FBXW8: variants seen among roughly 807,000 people sequenced by gnomAD.
FBXW8 encodes F-box and WD repeat domain containing 8, also known as F-box/WD repeat-containing protein 8.
FBXW8 carries 57 observed loss-of-function variants against 65.3 expected under a neutral mutation model. That is an observed-to-expected ratio of 0.87 (90% CI 0.71 to 1.09). The LOEUF is 1.09. Among genes scored for constraint, FBXW8 ranks in the 50% least tolerant of loss-of-function variants. FBXW8 has a pLI of 0.00. For synonymous variants in FBXW8, 308 were observed against 330.2 expected (o/e 0.93, Z 0.73); for missense variants, 777 against 814.8 (o/e 0.95, Z 0.57).
At chr12:116,946,557 C>A (rs1263397578) in intron 3 of FBXW8, among the ~76,000 whole-genome samples, 2 of 152,128 alleles carry the variant, frequency 1.3e-5, no homozygotes, top group Non-Finnish European at 2.9e-5. Flanking sequence ...ACTAGAAATG[C>A]CCCTAGACAT....
intron 2 of FBXW8, among the ~76,000 whole-genome samples, chr12:116,937,784 C>T (rs369499129): frequency 6.6e-6 from 1 of 152,032 alleles, no homozygotes; most frequent in Non-Finnish European, 1.5e-5. Context: ...AATGAGACTT[C>T]CCCTCTGTGA....
chr12:117,025,163 C>T (rs544639590), intron 9 of FBXW8, among the ~76,000 whole-genome samples: 4 of 152,340 alleles, frequency 2.6e-5, no homozygotes, highest in African/African-American at 4.8e-5. Context: ...GCAGCCGGCC[C>T]TCTCGCTTGC....
chr12:117,001,568 A>C (rs979741038), intron 7 of FBXW8, among the ~76,000 whole-genome samples: 9 of 152,166 alleles, frequency 5.9e-5, no homozygotes, highest in African/African-American at 2.2e-4. Flanking sequence ...CTTTAATTTT[A>C]AAGAGTTCAC....
intron 5 of FBXW8, among the ~76,000 whole-genome samples, chr12:116,967,463 T>C (rs1208986161): frequency 6.6e-6 from 1 of 152,236 alleles, no homozygotes; most frequent in African/African-American, 2.4e-5. Context: ...TGCTTTAGGC[T>C]TTGATAACTA....
intron 1 of FBXW8, among the ~76,000 whole-genome samples, chr12:116,918,008 A>C (rs1369161123): frequency 2.0e-5 from 3 of 151,536 alleles, no homozygotes; most frequent in African/African-American, 7.3e-5. Context: ...AAAAAAACAA[A>C]AAAAAAACAA....
intron 5 of FBXW8, among the ~76,000 whole-genome samples, chr12:116,971,614 T>G (rs952774282): frequency 1.3e-5 from 2 of 152,180 alleles, no homozygotes; most frequent in African/African-American, 4.8e-5. Flanking sequence ...GTGTTATATC[T>G]GAATAATGGG....
At chr12:117,015,130 T>C (rs1328121307) in intron 8 of FBXW8, among the ~76,000 whole-genome samples, 1 of 152,164 alleles carries the variant, frequency 6.6e-6, no homozygotes, top group Non-Finnish European at 1.5e-5. Context: ...GAGTTTCTAT[T>C]GGAGTTCTAG....
Position 116,947,472 on chromosome 12 carries a change from G to A in FBXW8, c.588+1944G>A, listed in dbSNP as rs141233641. ...TTATCAAAACATGAAAGGCGGCCCG[G>A]CACCGTGGGTCACTCCTGTAATCCC... On this transcript the variant is annotated intron_variant, in intron 3 of 10. Transcript: ENST00000652555. Among the ~76,000 whole-genome samples the A allele has an allele frequency of 9.2e-3, 1,402 of 152,252 alleles. 16 individuals are homozygous for A. Among genetic ancestry groups the A allele is most frequent in the African/African-American group, 0.031 (1,273 of 41,556 alleles).
At chr12:116,921,822 C>CTTTT (rs11449832) in intron 1 of FBXW8, among the ~76,000 whole-genome samples, 34 of 99,314 alleles carry the variant, frequency 3.4e-4, no homozygotes, top group Non-Finnish European at 5.3e-4. Context: ...GTATTTCTGA[C>CTTTT]TTTTTTTTTT....
At chr12:116,947,998 C>T (rs1883044324) in intron 3 of FBXW8, among the ~76,000 whole-genome samples, 1 of 152,096 alleles carries the variant, frequency 6.6e-6, no homozygotes, top group Admixed American at 6.5e-5. Flanking sequence ...GCTGTGCGTG[C>T]TCGACTTCAG....
Position 116,985,381 on chromosome 12 carries a change from G to A in FBXW8, c.1011G>A (p.Ala337=), listed in dbSNP as rs200154719. The change falls in exon 6 of 11, where the codon GCG becomes GCA. Residue 337 remains alanine, a synonymous_variant. Coordinates refer to ENST00000652555, the MANE Select transcript of FBXW8 (RefSeq NM_153348.3). ...AGGAGGGGTACTGGCAGATAGCTGC[G>A]GAATTTGAAGTTCCGAAACTGGTGA... The part of the protein sequence containing the change: ...PNEEGYWQIA[A]EFEVPKLVQY... The A allele has an allele frequency of 2.7e-4, 432 of 1,610,112 alleles. 3 individuals are homozygous for A. The highest frequency in any genetic ancestry group is 2.3e-3 in the Middle Eastern group (14 of 6,032).
rs1434250764 is a variant in FBXW8 at position 117,030,063 on chromosome 12, G to A, written c.*1891G>A. 6.6e-6 allele frequency: 1 copy of A among 152,172 alleles called. No individual in the cohort carries two copies. The highest frequency in any genetic ancestry group is 1.5e-5 in the Non-Finnish European group (1 of 68,048). 9.4% of individuals were successfully genotyped at this position (152,172 alleles called of 1,614,324 possible). On this transcript the variant is annotated 3_prime_UTR_variant, in exon 11 of 11. Coordinates refer to ENST00000652555, the MANE Select transcript of FBXW8 (RefSeq NM_153348.3). ...GTCCACACTCATTCCAGAGAAAACC[G>A]AGTCCTCTCAGTTGCACACGTGTAC...
At chr12:116,976,386 T>TAAA (rs35871383) in intron 5 of FBXW8, among the ~76,000 whole-genome samples, 1 of 133,636 alleles carries the variant, frequency 7.5e-6, no homozygotes. Flanking sequence ...CCCTTTTCTT[T>TAAA]AAAAAAAAAA....
rs1882204164 is a variant in FBXW8, at chr12:116,936,936, T to C, written c.424-8428T>C. Reference sequence around the variant, plus strand: ...CTGCCCTACGTTTAAAAAGGGACCATTTGGGCTGCTGTGTGGAGAATCGGT... The same window carrying C: ...CTGCCCTACGTTTAAAAAGGGACCACTTGGGCTGCTGTGTGGAGAATCGGT... On this transcript the variant is annotated intron_variant, in intron 2 of 10. Transcript: ENST00000652555. This position sits in a 1 kb window ranked among gnomAD's most constrained non-coding sequence, Gnocchi z 4.6. 6.6e-6 allele frequency among the ~76,000 whole-genome samples: 1 copy of C among 152,028 alleles called. No individual in the cohort carries two copies. Among genetic ancestry groups the C allele is most frequent in the African/African-American group, 2.4e-5 (1 of 41,402 alleles).
chr12:116,964,407 G>A (rs1458673449), intron 4 of FBXW8, among the ~76,000 whole-genome samples: 1 of 152,202 alleles, frequency 6.6e-6, no homozygotes, highest in Non-Finnish European at 1.5e-5. Flanking sequence ...GCAGATTGTT[G>A]TAATAGTGTA....
At chr12:117,027,612 C>T in intron 10 of FBXW8, 108 bp downstream of exon 10, 2 of 855,950 alleles carry the variant, frequency 2.3e-6, no homozygotes, top group South Asian at 2.9e-5. Context: ...TACCCTCAGG[C>T]AGGGCCCTGC....
chr12:116,958,932 GAC>G (rs952353906), intron 4 of FBXW8, among the ~76,000 whole-genome samples: 2 of 152,188 alleles, frequency 1.3e-5, no homozygotes, highest in African/African-American at 4.8e-5. Flanking sequence ...TACTGGATTT[GAC>G]ACACAAACGA....
chr12:117,003,358 G>A (rs752151614), intron 7 of FBXW8, among the ~76,000 whole-genome samples: 8 of 152,182 alleles, frequency 5.3e-5, no homozygotes, highest in South Asian at 2.1e-4. Context: ...CAGACAGTGC[G>A]GGGGGCGCAC....
intron 2 of FBXW8, 151 bp from the exon 3 acceptor site, chr12:116,945,213 A>G (rs1000087458): frequency 8.2e-6 from 5 of 608,146 alleles, no homozygotes; most frequent in South Asian, 3.4e-5. Flanking sequence ...ATTTGCTTGT[A>G]TTTTTTTTTC....
Sources: gnomAD v4.1 joint callset for allele counts (sites outside exome capture counted in the v4.1 genomes callset) on GRCh38, gnomAD v4.1.1 for gene constraint, Gnocchi (gnomAD v3.1) non-coding constraint, MANE v1.5 for transcripts, NCBI Gene and HGNC (gene_info 2026-07-23, HGNC 2026-07-21) for gene names.